PIAS2: variants seen among roughly 807,000 people sequenced by gnomAD.
PIAS2 encodes the protein E3 SUMO-protein ligase PIAS2.
Under a neutral mutation model 69.7 loss-of-function variants are expected in PIAS2, and 19 were observed. The observed-to-expected ratio is 0.27, with a 90% CI of 0.19 to 0.40. The LOEUF (loss-of-function observed/expected upper bound fraction) is 0.40, where lower values mean the gene tolerates loss of function less well. Ranked by LOEUF, PIAS2 falls within the 10% of genes least tolerant of loss-of-function variation. The probability of loss-of-function intolerance (pLI) is 1.00; values close to 1 mark genes in which losing one functional copy is unlikely to be tolerated. For synonymous variants in PIAS2, 261 were observed against 263.2 expected (o/e 0.99, Z 0.08); for missense variants, 624 against 757.0 (o/e 0.82, Z 2.06).
intron 1 of PIAS2, among the ~76,000 whole-genome samples, chr18:46,902,272 A>G (rs1599010255): frequency 6.6e-6 from 1 of 152,020 alleles, no homozygotes; most frequent in Non-Finnish European, 1.5e-5. Context: ...AAGAAAATCT[A>G]AAGGCCGGGC....
intron 12 of PIAS2, chr18:46,817,970 C>G (rs1255193414): frequency 2.0e-6 from 2 of 985,022 alleles, no homozygotes; most frequent in African/African-American, 3.5e-5. Flanking sequence ...TAAGTTTCAA[C>G]TGCAGCGTGT....
chr18:46,849,593 C>G (rs1316402199), intron 5 of PIAS2, among the ~76,000 whole-genome samples: 1 of 152,188 alleles, frequency 6.6e-6, no homozygotes, highest in African/African-American at 2.4e-5. Flanking sequence ...ATGTTTCATG[C>G]TCTGATGACA....
At chr18:46,823,105 T>C (rs565273745) in intron 11 of PIAS2, among the ~76,000 whole-genome samples, 80 of 148,296 alleles carry the variant, frequency 5.4e-4, no homozygotes, top group African/African-American at 1.8e-3. Flanking sequence ...TATGCTGAAG[T>C]ATGCCTAAGG....
intron 1 of PIAS2, among the ~76,000 whole-genome samples, chr18:46,906,773 T>TG (rs59066322): frequency 0.025 from 2,016 of 80,534 alleles, 62 homozygotes; most frequent in African/African-American, 0.056. Context: ...TGTGTGTGTG[T>TG]GGGGGGGGGG....
In PIAS2 at chr18:46,810,888, A is replaced by G. The variant is rs1358606843; in HGVS notation, c.*1545T>C. The stretch of plus-strand genomic sequence containing the variant: ...AATCAATTGGTTGGACTGGCCATTA[A>G]AAAAAGGACTTTGTTTTTAAGGTAG... On this transcript the variant is annotated 3_prime_UTR_variant, in exon 14 of 14. Transcript: ENST00000585916. 1 of 152,122 alleles carries G rather than the reference A, an allele frequency of 6.6e-6. No individual in the cohort carries two copies. Among genetic ancestry groups the G allele is most frequent in the Non-Finnish European group, 1.5e-5 (1 of 68,034 alleles). The allele number at this position is 152,122 out of a possible 1,614,324, so 9.4% of individuals were successfully genotyped here. A position where few individuals can be genotyped will look rare whatever the true frequency, so the allele number is the denominator to read the frequency against.
chr18:46,844,917 A>G, intron 6 of PIAS2, 78 bp from the exon 7 acceptor site: 3 of 554,204 alleles, frequency 5.4e-6, no homozygotes, highest in Non-Finnish European at 9.1e-6. Context: ...CTTATTTAAG[A>G]AACTCTGGTT....
intron 9 of PIAS2, among the ~76,000 whole-genome samples, chr18:46,834,218 C>T (rs1464222829): frequency 6.6e-6 from 1 of 152,028 alleles, no homozygotes; most frequent in African/African-American, 2.4e-5. Context: ...CATATAAAAT[C>T]TCTACAACTT....
intron 5 of PIAS2, among the ~76,000 whole-genome samples, chr18:46,850,332 C>T (rs2145343491): frequency 6.6e-6 from 1 of 152,278 alleles, no homozygotes; most frequent in South Asian, 2.1e-4. Context: ...TTAGTTAGGT[C>T]TCTGAAGTCT....
intron 1 of PIAS2, chr18:46,907,576 CA>C (rs1270600626): frequency 6.6e-6 from 1 of 152,136 alleles, no homozygotes; most frequent in African/African-American, 2.4e-5. Flanking sequence ...ATAACAATAA[CA>C]TATAGTTGAA....
At chr18:46,814,053 T>C (rs1038547783) in intron 13 of PIAS2, among the ~76,000 whole-genome samples, 1 of 152,164 alleles carries the variant, frequency 6.6e-6, no homozygotes, top group Non-Finnish European at 1.5e-5. Flanking sequence ...AGGAAAAAGA[T>C]ACTCATTCAT....
intron 1 of PIAS2, among the ~76,000 whole-genome samples, chr18:46,904,405 G>T (rs996603371): frequency 1.3e-5 from 2 of 152,096 alleles, no homozygotes; most frequent in Non-Finnish European, 2.9e-5. Flanking sequence ...ACACAAAAAT[G>T]TAACGGTGAG....
chr18:46,886,736 C>T (rs1267840258), intron 2 of PIAS2, among the ~76,000 whole-genome samples: 1 of 152,010 alleles, frequency 6.6e-6, no homozygotes, highest in Non-Finnish European at 1.5e-5. Flanking sequence ...ACTCGGGAGG[C>T]TGAGAGAGGA....
chr18:46,916,537 A>G (rs1480977522), intron 1 of PIAS2, among the ~76,000 whole-genome samples: 2 of 152,166 alleles, frequency 1.3e-5, no homozygotes, highest in Non-Finnish European at 2.9e-5. Flanking sequence ...GGGGGGAAAA[A>G]GTCTCTTCTG....
intron 8 of PIAS2, among the ~76,000 whole-genome samples, chr18:46,837,415 CTA>C (rs2044612582): frequency 6.6e-6 from 1 of 152,090 alleles, no homozygotes; most frequent in African/African-American, 2.4e-5. Flanking sequence ...AACTTTCTAC[CTA>C]TAACCTTTTC....
chr18:46,906,936 GAACTT>G (rs1446499900), intron 1 of PIAS2, among the ~76,000 whole-genome samples: 2 of 152,024 alleles, frequency 1.3e-5, no homozygotes, highest in African/African-American at 4.8e-5. Flanking sequence ...CTCCCTGTGA[GAACTT>G]AACAACTGAA....
chr18:46,871,164 T>A (rs1164579572), intron 2 of PIAS2, among the ~76,000 whole-genome samples: 1 of 152,032 alleles, frequency 6.6e-6, no homozygotes, highest in Non-Finnish European at 1.5e-5. Flanking sequence ...AGATAGAGAA[T>A]TGGAAAGACT....
intron 12 of PIAS2, chr18:46,816,371 T>C (rs513775): frequency 0.46 from 448,656 of 977,328 alleles, 103,300 homozygotes; most frequent in Middle Eastern, 0.5. Context: ...AATAAGGGTA[T>C]TACAAAAATG....
At position 46,901,234 on chromosome 18, in the gene PIAS2, A is replaced by G. The variant is rs1020426606; in HGVS notation, c.25-10180T>C. On this transcript the variant is annotated intron_variant, in intron 1 of 13. Coordinates refer to ENST00000585916, the MANE Select transcript of PIAS2 (RefSeq NM_004671.5). ...GGAGTTCGAGGCCAGCCTGACCAAC[A>G]TGGAGAACCCCATCTCTAAGAAAAA... 2.2e-4 allele frequency: 88 copies of G among 404,844 alleles called. 1 individual carries two copies. The highest frequency in any genetic ancestry group is 1.2e-3 in the African/African-American group (59 of 47,832). 25.1% of individuals were successfully genotyped at this position (404,844 alleles called of 1,614,324 possible). A position where few individuals can be genotyped will look rare whatever the true frequency, so the allele number is the denominator to read the frequency against.
intron 9 of PIAS2, among the ~76,000 whole-genome samples, chr18:46,831,773 G>C (rs1379797539): frequency 6.6e-6 from 1 of 152,088 alleles, no homozygotes; most frequent in Non-Finnish European, 1.5e-5. Flanking sequence ...CAAAACCCTT[G>C]TTCTTTATCT....
Sources: allele counts gnomAD v4.1 joint callset (sites outside exome capture counted in the v4.1 genomes callset), GRCh38; gene constraint gnomAD v4.1.1; transcripts MANE v1.5; gene names NCBI Gene and HGNC (gene_info 2026-07-23, HGNC 2026-07-21).